The following CALN1 variants were observed in gnomAD, a reference collection of about 807,000 sequenced individuals.
CALN1 encodes the protein calneuron 1.
Under a neutral mutation model 30.6 loss-of-function variants are expected in CALN1, and 17 were observed. The ratio of observed to expected loss-of-function variants is 0.56; its 90% CI spans 0.38 to 0.83. The LOEUF (loss-of-function observed/expected upper bound fraction) is 0.83, where lower values mean the gene tolerates loss of function less well. Among genes scored for constraint, CALN1 ranks in the 40% least tolerant of loss-of-function variants. The pLI, the probability that CALN1 is intolerant of heterozygous loss-of-function variation, is 0.00. For synonymous variants in CALN1, 156 were observed against 131.4 expected (o/e 1.19, Z -1.28); for missense variants, 291 against 354.9 (o/e 0.82, Z 1.45).
At chr7:72,056,426 C>A (rs948734137) in intron 4 of CALN1, among the ~76,000 whole-genome samples, 2 of 151,496 alleles carry the variant, frequency 1.3e-5, no homozygotes, top group East Asian at 1.9e-4. Flanking sequence ...CATAAAAAAT[C>A]GAATGGAAAA....
chr7:72,212,070 G>C (rs1021368886), intron 3 of CALN1, among the ~76,000 whole-genome samples: 3 of 152,042 alleles, frequency 2.0e-5, no homozygotes, highest in Admixed American at 6.6e-5. Context: ...TACCAGAGAG[G>C]GGCCGGGCAC....
At chr7:71,976,804 T>C (rs950805610) in intron 5 of CALN1, among the ~76,000 whole-genome samples, 5 of 152,196 alleles carry the variant, frequency 3.3e-5, no homozygotes, top group Non-Finnish European at 5.9e-5. Context: ...CCAAGATGGC[T>C]GGCTGGAGTT....
intron 4 of CALN1, among the ~76,000 whole-genome samples, chr7:72,095,770 C>T (rs1045092781): frequency 1.3e-5 from 2 of 152,156 alleles, no homozygotes; most frequent in South Asian, 2.1e-4. Context: ...TGGTAGCTCA[C>T]GCCAGTAACC....
At chr7:72,455,837 A>G in the CALN1 span, among the ~76,000 whole-genome samples, 1 of 152,158 alleles carries the variant, frequency 6.6e-6, no homozygotes, top group African/African-American at 2.4e-5. Flanking sequence ...GAAATAAGCA[A>G]GAGATATTCA....
Position 72,412,061 on chromosome 7 carries a change from T to C in CALN1, c.-77A>G, listed in dbSNP as rs1389415637. 3 of 152,222 alleles carry C rather than the reference T, an allele frequency of 2.0e-5. No individual in the cohort carries two copies. Among genetic ancestry groups the C allele is most frequent in the Non-Finnish European group, 4.4e-5 (3 of 68,052 alleles). 9.4% of individuals were successfully genotyped at this position (152,222 alleles called of 1,614,324 possible). ...GCTCTTTAGTTTCTGTGCCCACCTGTGTGCGGAATTTATTCCTTCTGCTGG... is the reference window on the plus strand; with the variant it reads ...GCTCTTTAGTTTCTGTGCCCACCTGCGTGCGGAATTTATTCCTTCTGCTGG... On this transcript the variant is annotated 5_prime_UTR_variant, in exon 1 of 7. Coordinates refer to ENST00000395275, the MANE Select transcript of CALN1 (RefSeq NM_031468.4).
intron 2 of CALN1, among the ~76,000 whole-genome samples, chr7:72,387,554 T>G (rs1235389747): frequency 1.3e-5 from 2 of 152,114 alleles, no homozygotes; most frequent in Non-Finnish European, 2.9e-5. Flanking sequence ...AAGCCTTTGA[T>G]ACAATGTGAT....
intron 3 of CALN1, among the ~76,000 whole-genome samples, chr7:72,160,727 T>C (rs1585064054): frequency 6.6e-6 from 1 of 152,216 alleles, no homozygotes; most frequent in Non-Finnish European, 1.5e-5. Context: ...CTACTTATTA[T>C]CTCAGCTTAT....
intron 6 of CALN1, among the ~76,000 whole-genome samples, chr7:71,798,123 CAGAGAG>C (rs3973907): frequency 0.13 from 8,903 of 69,740 alleles, 404 homozygotes; most frequent in Middle Eastern, 0.15. Flanking sequence ...GAGACAGAGA[CAGAGAG>C]AGAGAGAGAG....
chr7:72,359,742 G>A (rs1323543476), intron 2 of CALN1, among the ~76,000 whole-genome samples: 1 of 152,058 alleles, frequency 6.6e-6, no homozygotes, highest in African/African-American at 2.4e-5. Flanking sequence ...TTGGGAGGCT[G>A]AGGCGAGAGG....
chr7:72,230,127 C>T (rs1325451492), intron 3 of CALN1, among the ~76,000 whole-genome samples: 12 of 151,430 alleles, frequency 7.9e-5, no homozygotes, highest in Admixed American at 4.0e-4. Flanking sequence ...GGCAACAGAG[C>T]AAGACTCCGT....
intron 2 of CALN1, among the ~76,000 whole-genome samples, chr7:72,394,840 T>G (rs943657823): frequency 6.6e-6 from 1 of 152,072 alleles, no homozygotes; most frequent in African/African-American, 2.4e-5. Context: ...TATTTTTTTG[T>G]AGAGATGGAC....
Position 71,946,218 on chromosome 7 carries a change from G to A in CALN1, c.501+77439C>T, listed in dbSNP as rs921778548. Among the ~76,000 whole-genome samples, 10 of 152,096 alleles carry A rather than the reference G, an allele frequency of 6.6e-5. No individual in the cohort carries two copies. In the South Asian group the frequency reaches 1.2e-3, roughly 19 times the overall value. On this transcript the variant is annotated intron_variant, in intron 5 of 6. Transcript: ENST00000395275. ...AAGAAAAAAAGTTTCTCCAAAGGAG[G>A]GAAATCAGAATATCTTCATACATTT...
chr7:72,413,502 ACT>A (rs748167911), upstream of CALN1, among the ~76,000 whole-genome samples: 48 of 151,426 alleles, frequency 3.2e-4, no homozygotes, highest in Non-Finnish European at 6.3e-4. Flanking sequence ...AAGGACACAA[ACT>A]CACACATCAG....
intron 2 of CALN1, among the ~76,000 whole-genome samples, chr7:72,383,162 G>A (rs191394257): frequency 1.9e-4 from 29 of 152,232 alleles, no homozygotes; most frequent in East Asian, 3.9e-4. Flanking sequence ...CAAATCCACC[G>A]CTGATGAGCA....
At chr7:71,864,133 AT>A (rs1388809424) in intron 5 of CALN1, among the ~76,000 whole-genome samples, 5 of 152,230 alleles carry the variant, frequency 3.3e-5, no homozygotes, top group African/African-American at 1.2e-4. Context: ...CTTATTGCAA[AT>A]AGAAAAAAAA....
At chr7:72,476,129 A>G in the CALN1 span, among the ~76,000 whole-genome samples, 5 of 151,464 alleles carry the variant, frequency 3.3e-5, no homozygotes, top group Non-Finnish European at 7.4e-5. Context: ...TTGTATTTTT[A>G]ATAGAGACCA....
rs112015462 is a variant in CALN1, at chr7:71,951,934, CT to C, written c.501+71722del. 3.2e-3 allele frequency among the ~76,000 whole-genome samples: 468 copies of C among 146,566 alleles called. 1 individual carries two copies. The highest frequency in any genetic ancestry group is 9.3e-3 in the African/African-American group (374 of 40,374). Reference sequence around the variant, plus strand: ...CTCTAGTTTGTCAAACTGCTGCAGCCTTTTTTTTTTTCCATTCCCCTCCTGG... The same window carrying C: ...CTCTAGTTTGTCAAACTGCTGCAGCCTTTTTTTTTTCCATTCCCCTCCTGG... On this transcript the variant is annotated intron_variant, in intron 5 of 6. Transcript: ENST00000395275.
upstream of CALN1, among the ~76,000 whole-genome samples, chr7:72,449,874 CAAAAAAAAA>C (rs71069071): frequency 6.9e-4 from 36 of 52,376 alleles, 1 homozygote; most frequent in East Asian, 8.5e-3. Flanking sequence ...GACTCCGTCT[CAAAAAAAAA>C]AAAAAAAAAA....
chr7:71,981,532 T>C (rs1798392326), intron 5 of CALN1, among the ~76,000 whole-genome samples: 1 of 152,056 alleles, frequency 6.6e-6, no homozygotes, highest in Admixed American at 6.6e-5. Flanking sequence ...GGCACACCTG[T>C]AGTCCCAACT....
Sources: allele counts gnomAD v4.1 joint callset (sites outside exome capture counted in the v4.1 genomes callset), GRCh38; gene constraint gnomAD v4.1.1; transcripts MANE v1.5; gene names NCBI Gene and HGNC (gene_info 2026-07-23, HGNC 2026-07-21).